The following LRRC41 variants were observed in gnomAD, a reference collection of about 807,000 sequenced individuals.
LRRC41 encodes the protein leucine rich repeat containing 41.
LRRC41 carries 17 observed loss-of-function variants against 72.1 expected under a neutral mutation model. The observed-to-expected ratio is 0.24, with a 90% CI of 0.16 to 0.35. The LOEUF (loss-of-function observed/expected upper bound fraction) is 0.35. LRRC41 is among the 10% of genes least tolerant of loss of function. LRRC41 has a pLI of 1.00. For missense variants in LRRC41, 759 were observed against 1,065.0 expected (o/e 0.71, Z 4.00); for synonymous variants, 427 against 431.0 (o/e 0.99, Z 0.11).
At position 46,277,798 on chromosome 1, in the gene LRRC41, C is replaced by T. The variant is rs374614940; in HGVS notation, c.*1067G>A. ...CTAAGCGCTGTATCTTTTGACATTC[C>T]CCACCTCCTCTTCCCCAGGCAGGGA... On this transcript the variant is annotated 3_prime_UTR_variant, in exon 10 of 10. Transcript: ENST00000617190. The T allele has an allele frequency of 2.5e-5, 40 of 1,594,252 alleles. No homozygotes were observed. The highest frequency in any genetic ancestry group is 3.3e-5 in the Non-Finnish European group (38 of 1,162,792).
rs1010280329 is a variant in LRRC41 at position 46,302,629 on chromosome 1, G to A, written c.199+495C>T. 375 of 985,164 alleles carry A rather than the reference G, an allele frequency of 3.8e-4. 1 individual carries two copies. The highest frequency in any genetic ancestry group is 4.5e-4 in the Non-Finnish European group (371 of 829,882). The allele number at this position is 985,164 out of a possible 1,614,324, so 61.0% of individuals were successfully genotyped here. On this transcript the variant is annotated intron_variant, in intron 1 of 9. Transcript: ENST00000617190. The surrounding 1 kb of genome is among the most constrained non-coding windows in gnomAD (Gnocchi z 4.7). ...GGCCTCCGGAATCTCGACCCCCGTGGCGTGTCAGGCAGATGCTGGAGCCCC... is the reference window on the plus strand; with the variant it reads ...GGCCTCCGGAATCTCGACCCCCGTGACGTGTCAGGCAGATGCTGGAGCCCC...
At position 46,302,466 on chromosome 1, in the gene LRRC41, G is replaced by T. The variant is rs1348125514; in HGVS notation, c.199+658C>A. The T allele has an allele frequency of 1.0e-6, 1 of 985,208 alleles. No individual in the cohort carries two copies. The highest frequency in any genetic ancestry group is 1.1e-4 in the East Asian group (1 of 8,784). The allele number at this position is 985,208 out of a possible 1,614,324, so 61.0% of individuals were successfully genotyped here. On this transcript the variant is annotated intron_variant, in intron 1 of 9. Transcript: ENST00000617190. This position sits in a 1 kb window ranked among gnomAD's most constrained non-coding sequence, Gnocchi z 4.7. Reference sequence around the variant, plus strand: ...GTCGCTTAGTCAGTTTGGCACCCGAGACCCCGGTTGTCGGTTCGCTCCCGT... The same window carrying T: ...GTCGCTTAGTCAGTTTGGCACCCGATACCCCGGTTGTCGGTTCGCTCCCGT...
chr1:46,303,208 C>A lies in LRRC41; in HGVS notation c.115G>T (p.Gly39Cys), dbSNP rs774231085. 306 of 1,567,552 alleles carry A rather than the reference C, an allele frequency of 2.0e-4. 1 individual carries two copies. Among genetic ancestry groups the A allele is most frequent in the Non-Finnish European group, 2.5e-4 (291 of 1,160,584 alleles). The change falls in exon 1 of 10, where the codon GGC becomes TGC. Residue 39 changes from glycine (G) to cysteine (C), a missense_variant. Physicochemically the swap from Gly to Cys is radical, Grantham distance 159 (BLOSUM62 -3). Coordinates refer to ENST00000617190, the MANE Select transcript of LRRC41 (RefSeq NM_006369.5). ...EAAPAKSSASGPNAPPALFEL... is the reference protein window; with the variant it reads ...EAAPAKSSASCPNAPPALFEL... ...AACAGGGCGGGGGGAGCGTTGGGGCCCGAGGCCGAGCTCTTCGCTGGCGCC... is the reference window on the plus strand; with the variant it reads ...AACAGGGCGGGGGGAGCGTTGGGGCACGAGGCCGAGCTCTTCGCTGGCGCC...
Position 46,280,317 on chromosome 1 carries a change from C to CATGG in LRRC41, c.1922-31_1922-28dup, listed in dbSNP as rs755082011. ...TGGATAGGAGGCAGAGACCATGGAC[C>CATGG]ATGGACCTTAGCTTTCCTAGAGAAC... is the stretch of plus-strand genomic sequence containing the variant. On this transcript the variant is annotated intron_variant, in intron 6 of 9. Transcript: ENST00000617190. The CATGG allele has an allele frequency of 9.6e-4, 1,541 of 1,612,766 alleles. 2 individuals carry two copies. The highest frequency in any genetic ancestry group is 1.3e-3 in the Non-Finnish European group (1,501 of 1,178,740).
Position 46,303,481 on chromosome 1 carries a change from C to T in LRRC41, c.-159G>A, listed in dbSNP as rs1449149880. On this transcript the variant is annotated 5_prime_UTR_variant, in exon 1 of 10. The change abolishes the stop of an existing upstream ORF in the 5' untranslated region. Transcript: ENST00000617190. ...CACTTTCCAAGTCTCTTAGGAGCTA[C>T]TATTTTAGATAAACTCCTAGATCAA... is the stretch of plus-strand genomic sequence containing the variant. 2.6e-6 allele frequency: 2 copies of T among 784,292 alleles called. No individual in the cohort carries two copies. Among genetic ancestry groups the T allele is most frequent in the Non-Finnish European group, 3.9e-6 (2 of 508,182 alleles). The allele number at this position is 784,292 out of a possible 1,614,324, so 48.6% of individuals were successfully genotyped here.
Position 46,279,604 on chromosome 1 carries a change from G to A in LRRC41, c.2031C>T (p.Phe677=). 6.2e-7 allele frequency: 1 copy of A among 1,614,208 alleles called. No homozygotes were observed. The change falls in exon 8 of 10, where the codon TTC becomes TTT. Residue 677 remains phenylalanine, a synonymous_variant. Coordinates refer to ENST00000617190, the MANE Select transcript of LRRC41 (RefSeq NM_006369.5). This position sits in a 1 kb window ranked among gnomAD's most constrained non-coding sequence, Gnocchi z 4.5. Reference sequence around the variant, plus strand: ...GCTTCTCAAACAGACGGCAGAAGGAGAAGGTAATCTCTGTCAAGAAAAATT... The same window carrying A: ...GCTTCTCAAACAGACGGCAGAAGGAAAAGGTAATCTCTGTCAAGAAAAATT... ...LQNLTLQEIT[F]SFCRLFEKRP...
Position 46,287,516 on chromosome 1 carries a change from C to T in LRRC41, c.358-1017G>A, listed in dbSNP as rs1319694990. On this transcript the variant is annotated intron_variant, in intron 3 of 9. Transcript: ENST00000617190. The stretch of plus-strand genomic sequence containing the variant: ...AAGTAGTGTTGTAAAACACTAATTA[C>T]ATCATACTGCTTTAAAACCCTAATG... Among the ~76,000 whole-genome samples, 3 of 152,298 alleles carry T rather than the reference C, an allele frequency of 2.0e-5. No individual in the cohort carries two copies. The East Asian group carries it at 5.8e-4, about 29-fold the overall frequency.
rs1358666426 is a variant in LRRC41 at position 46,281,261 on chromosome 1, T to C, written c.1620A>G (p.Thr540=). Residue 540 remains threonine, a synonymous_variant, in exon 5 of 10, where the codon ACA becomes ACG. Coordinates refer to ENST00000617190, the MANE Select transcript of LRRC41 (RefSeq NM_006369.5). ...GGGGCAGTGCTCGCACGATAGCACG[T>C]GTCAGCTCCAGGATGGGCAGTGGTG... is the stretch of plus-strand genomic sequence containing the variant. ...LFSPLPILEL[T]RAIVRALPLL... The C allele has an allele frequency of 6.2e-7, 1 of 1,614,168 alleles. No individual in the cohort carries two copies. The highest frequency in any genetic ancestry group is 8.5e-7 in the Non-Finnish European group (1 of 1,180,022).
In LRRC41 at chr1:46,302,044, C is replaced by T. The variant is rs1380655567; in HGVS notation, c.199+1080G>A. 1.0e-6 allele frequency: 1 copy of T among 985,258 alleles called. No homozygotes were observed. Among genetic ancestry groups the T allele is most frequent in the Non-Finnish European group, 1.2e-6 (1 of 829,896 alleles). 61.0% of individuals were successfully genotyped at this position (985,258 alleles called of 1,614,324 possible). ...TCCCTCGTCAGCGGCCAGGCCGCGGCCAGCGGTCCCCAACCCACAGCCCCG... is the reference window on the plus strand; with the variant it reads ...TCCCTCGTCAGCGGCCAGGCCGCGGTCAGCGGTCCCCAACCCACAGCCCCG... On this transcript the variant is annotated intron_variant, in intron 1 of 9. Transcript: ENST00000617190. The surrounding 1 kb of genome is among the most constrained non-coding windows in gnomAD (Gnocchi z 4.7).
rs755081127 is a variant in LRRC41, at chr1:46,280,438, C to T, written c.1879G>A (p.Ala627Thr). Reference sequence around the variant, plus strand: ...ACAAGCCCAAAATCCTGGGGAGAGGCAAAGGTGGCACTATCCAGGGACAGC... The same window carrying T: ...ACAAGCCCAAAATCCTGGGGAGAGGTAAAGGTGGCACTATCCAGGGACAGC... ...QQLSLDSATF[A>T]SPQDFGLVLQ... The change falls in exon 6 of 10, where the codon GCC (alanine) becomes ACC (threonine). Residue 627 changes from alanine (A) to threonine (T), a missense_variant. By Grantham distance (58) the Ala-to-Thr change is moderately conservative (BLOSUM62 0). This residue lies in a region of LRRC41 where 427 missense variants were observed against 520.9 expected (regional missense o/e 0.82). Coordinates refer to ENST00000617190, the MANE Select transcript of LRRC41 (RefSeq NM_006369.5). 2 of 1,614,046 alleles carry T rather than the reference C, an allele frequency of 1.2e-6. No individual in the cohort carries two copies. Among genetic ancestry groups the T allele is most frequent in the South Asian group, 1.1e-5 (1 of 91,094 alleles).
In LRRC41 at chr1:46,286,318, A is replaced by G; in HGVS notation, c.539T>C (p.Val180Ala). Reference protein sequence around the residue: ...CNMLQGATELVAEPNRRVLET... With the variant: ...CNMLQGATELAAEPNRRVLET... The stretch of plus-strand genomic sequence containing the variant: ...CAGAACCCTGCGGTTGGGCTCAGCC[A>G]CCAGCTCGGTTGCACCCTGCAGCAT... Residue 180 changes from valine to alanine, a missense_variant, in exon 4 of 10, where the codon GTG (valine) becomes GCG (alanine). This residue lies in a region of LRRC41 where 116 missense variants were observed against 250.9 expected (regional missense o/e 0.46). Transcript: ENST00000617190. This position sits in a 1 kb window ranked among gnomAD's most constrained non-coding sequence, Gnocchi z 5.5. The G allele has an allele frequency of 6.2e-7, 1 of 1,614,256 alleles. No homozygotes were observed. The highest frequency in any genetic ancestry group is 8.5e-7 in the Non-Finnish European group (1 of 1,180,044).
intron 3 of LRRC41, among the ~76,000 whole-genome samples, chr1:46,289,618 G>A (rs151170082): frequency 6.2e-4 from 94 of 152,230 alleles, no homozygotes; most frequent in East Asian, 1.9e-3. Context: ...AAAATTCGCC[G>A]GGCGAGGTGG....
rs1185739428 is a variant in LRRC41, at chr1:46,278,100, C to T, written c.*765G>A. 16 of 1,613,902 alleles carry T rather than the reference C, an allele frequency of 9.9e-6. No individual in the cohort carries two copies. The highest frequency in any genetic ancestry group is 5.0e-5 in the Admixed American group (3 of 59,986). On this transcript the variant is annotated 3_prime_UTR_variant, in exon 10 of 10. Transcript: ENST00000617190. ...GCACTGCCGACGTTGTGTCAACAGC[C>T]GTCAGATCCGGCCACCCCCTGATGG... is the stretch of plus-strand genomic sequence containing the variant.
Position 46,286,236 on chromosome 1 carries a change from A to G in LRRC41, c.621T>C (p.Asp207=). 2 of 1,614,254 alleles carry G rather than the reference A, an allele frequency of 1.2e-6. No individual in the cohort carries two copies. The highest frequency in any genetic ancestry group is 1.7e-6 in the Non-Finnish European group (2 of 1,180,058). The change falls in exon 4 of 10, where the codon GAT becomes GAC. Residue 207 remains aspartate, a synonymous_variant. Transcript: ENST00000617190. The surrounding 1 kb of genome is among the most constrained non-coding windows in gnomAD (Gnocchi z 5.5). ...GCCGAAGTGACTGCTGAGCAGCCAC[A>G]TCAGAGAACAGCAGGTGGCGGAACT... The part of the protein sequence containing the change: ...TLKFRHLLFS[D]VAAQQSLRQL...
At chr1:46,289,675 G>C (rs1660964700) in intron 3 of LRRC41, among the ~76,000 whole-genome samples, 1 of 152,102 alleles carries the variant, frequency 6.6e-6, no homozygotes. Flanking sequence ...GCAGGAGAAT[G>C]GCGTGAACCC....
At chr1:46,303,036 G>A in intron 1 of LRRC41, 88 bp downstream of exon 1, 3 of 1,334,930 alleles carry the variant, frequency 2.2e-6, no homozygotes, top group Admixed American at 3.8e-5. Flanking sequence ...GCCTTGCCCC[G>A]GGCCTCCCGG....
intron 3 of LRRC41, among the ~76,000 whole-genome samples, chr1:46,293,924 A>G (rs552535095): frequency 7.9e-5 from 12 of 151,676 alleles, no homozygotes; most frequent in Non-Finnish European, 1.3e-4. Context: ...ACAGGCATGC[A>G]CTACCATGCC....
rs1368592099 is a variant in LRRC41, at chr1:46,286,733, CCA to C, written c.358-236_358-235del. Among the ~76,000 whole-genome samples the C allele has an allele frequency of 2.0e-5, 3 of 152,206 alleles. No homozygotes were observed. The highest frequency in any genetic ancestry group is 4.4e-5 in the Non-Finnish European group (3 of 68,040). ...TTATTTGAACCCTGGAAATCTGGTT[CCA>C]GAGACCATGCTTTTATTATAGTGTC... On this transcript the variant is annotated intron_variant, in intron 3 of 9. Transcript: ENST00000617190. This position sits in a 1 kb window ranked among gnomAD's most constrained non-coding sequence, Gnocchi z 5.5.
chr1:46,285,248 C>T lies in LRRC41; in HGVS notation c.1495+114G>A. On this transcript the variant is annotated intron_variant, in intron 4 of 9. Coordinates refer to ENST00000617190, the MANE Select transcript of LRRC41 (RefSeq NM_006369.5). The surrounding 1 kb of genome is among the most constrained non-coding windows in gnomAD (Gnocchi z 5.3). Reference sequence around the variant, plus strand: ...TGCTATGAGGCATACAAGCCTTCCTCTCTAACCTCCTGATCATACCCCCAA... The same window carrying T: ...TGCTATGAGGCATACAAGCCTTCCTTTCTAACCTCCTGATCATACCCCCAA... 9.8e-7 allele frequency: 1 copy of T among 1,019,860 alleles called. No individual in the cohort carries two copies. Among genetic ancestry groups the T allele is most frequent in the Non-Finnish European group, 1.5e-6 (1 of 671,436 alleles). 63.2% of individuals were successfully genotyped at this position (1,019,860 alleles called of 1,614,324 possible). A position where few individuals can be genotyped will look rare whatever the true frequency, so the allele number is the denominator to read the frequency against.
Sources: gnomAD v4.1 joint callset for allele counts (sites outside exome capture counted in the v4.1 genomes callset) on GRCh38, gnomAD v4.1.1 for gene constraint, gnomAD v4.1.1 regional missense constraint, Gnocchi (gnomAD v3.1) non-coding constraint, MANE v1.5 for transcripts, NCBI Gene and HGNC (gene_info 2026-07-23, HGNC 2026-07-21) for gene names.